The following ITPK1 variants were observed in gnomAD, a reference collection of about 807,000 sequenced individuals.
ITPK1 encodes the protein inositol-tetrakisphosphate 1-kinase, also known as inositol 1,3,4-trisphosphate 5/6-kinase.
Under a neutral mutation model 45.3 loss-of-function variants are expected in ITPK1, and 21 were observed. The ratio of observed to expected loss-of-function variants is 0.46; its 90% CI spans 0.33 to 0.67. The LOEUF (loss-of-function observed/expected upper bound fraction) is 0.67, where lower values mean the gene tolerates loss of function less well. Among genes scored for constraint, ITPK1 ranks in the 30% least tolerant of loss-of-function variants. ITPK1 has a pLI of 0.02. For synonymous variants in ITPK1, 258 were observed against 253.6 expected, an observed-to-expected ratio of 1.02 and a Z score of -0.16; for missense variants, 474 against 573.5, an observed-to-expected ratio of 0.83 and a Z score of 1.77.
In ITPK1 at chr14:92,947,684, T is replaced by G. The variant is rs561490637; in HGVS notation, c.739-1191A>C. Among the ~76,000 whole-genome samples, 19 of 152,272 alleles carry G rather than the reference T, an allele frequency of 1.2e-4. No individual in the cohort carries two copies. The South Asian group carries it at 3.9e-3, about 32-fold the overall frequency. On this transcript the variant is annotated intron_variant, in intron 9 of 10. Coordinates refer to ENST00000267615, the MANE Select transcript of ITPK1 (RefSeq NM_014216.6). ...ATTCTAGGGCAGGAACTGCATCCCG[T>G]CTCCTCTAAATCAGCCAAGGGAGGG...
intron 3 of ITPK1, among the ~76,000 whole-genome samples, chr14:93,037,215 C>T (rs909117505): frequency 1.3e-5 from 2 of 152,232 alleles, no homozygotes; most frequent in Non-Finnish European, 2.9e-5. Flanking sequence ...CATCTCCATG[C>T]CCCTTGCATG....
At chr14:93,089,597 C>G (rs1486289303) in intron 2 of ITPK1, among the ~76,000 whole-genome samples, 2 of 152,118 alleles carry the variant, frequency 1.3e-5, no homozygotes, top group Non-Finnish European at 2.9e-5. Context: ...CTAAAGGGTT[C>G]CACCAATGAG....
intron 5 of ITPK1, among the ~76,000 whole-genome samples, chr14:92,970,833 C>T (rs1442969766): frequency 6.6e-6 from 1 of 152,130 alleles, no homozygotes; most frequent in Non-Finnish European, 1.5e-5. Context: ...GATGGGGTTT[C>T]ACCGTGTTAG....
chr14:93,011,868 C>T (rs1251515859), intron 4 of ITPK1, among the ~76,000 whole-genome samples: 3 of 152,132 alleles, frequency 2.0e-5, no homozygotes, highest in African/African-American at 7.2e-5. Context: ...ATCATATCAC[C>T]GCCATCCCCG....
intron 9 of ITPK1, among the ~76,000 whole-genome samples, chr14:92,950,647 G>A (rs1227591886): frequency 6.6e-6 from 1 of 152,182 alleles, no homozygotes; most frequent in Non-Finnish European, 1.5e-5. Flanking sequence ...GGGTCCTTCT[G>A]CCATCACGGC....
At chr14:92,971,774 C>A (rs1028949673) in intron 5 of ITPK1, among the ~76,000 whole-genome samples, 1 of 152,202 alleles carries the variant, frequency 6.6e-6, no homozygotes, top group African/African-American at 2.4e-5. Context: ...CCAGTGATGC[C>A]GCCCACCTCC....
intron 4 of ITPK1, among the ~76,000 whole-genome samples, chr14:93,013,719 C>T (rs1342290399): frequency 6.6e-6 from 1 of 152,198 alleles, no homozygotes; most frequent in African/African-American, 2.4e-5. Context: ...CTATAGCATC[C>T]CTATCCCTCC....
intron 4 of ITPK1, among the ~76,000 whole-genome samples, chr14:93,005,328 T>G (rs1259847993): frequency 2.6e-5 from 4 of 152,180 alleles, no homozygotes; most frequent in Admixed American, 6.5e-5. Flanking sequence ...TCAGCTCCTG[T>G]GAGCCAATAT....
At chr14:93,028,557 G>C (rs955595635) in intron 3 of ITPK1, among the ~76,000 whole-genome samples, 1 of 152,194 alleles carries the variant, frequency 6.6e-6, no homozygotes, top group African/African-American at 2.4e-5. Context: ...CAACCCCCTT[G>C]AGACACTGTT....
chr14:93,043,639 GGCTCATTCTT>G (rs1332341901), intron 3 of ITPK1, among the ~76,000 whole-genome samples: 1 of 152,224 alleles, frequency 6.6e-6, no homozygotes, highest in African/African-American at 2.4e-5. Flanking sequence ...GCCTCAGCCT[GGCTCATTCTT>G]ATCTGTGGCT....
chr14:93,109,483 C>T lies in ITPK1; in HGVS notation c.95+5586G>A, dbSNP rs573320828. On this transcript the variant is annotated intron_variant, in intron 2 of 10. Transcript: ENST00000267615. ...CATGTCTTAAATATTCAAAAAGATA[C>T]AGAAAACAATAAATGTTAGCTAGTA... is the stretch of plus-strand genomic sequence containing the variant. 8.5e-5 allele frequency among the ~76,000 whole-genome samples: 13 copies of T among 152,220 alleles called. No individual in the cohort carries two copies. The South Asian group carries it at 2.7e-3, about 32-fold the overall frequency.
At chr14:93,091,391 C>T (rs946462236) in intron 2 of ITPK1, among the ~76,000 whole-genome samples, 4 of 152,210 alleles carry the variant, frequency 2.6e-5, no homozygotes, top group African/African-American at 9.6e-5. Flanking sequence ...GAAGCCCAGC[C>T]CAGAACCAGT....
At chr14:92,973,090 T>C (rs1005314684) in intron 5 of ITPK1, among the ~76,000 whole-genome samples, 1 of 152,244 alleles carries the variant, frequency 6.6e-6, no homozygotes. Flanking sequence ...TCGAGTGGCA[T>C]TCACCCTGCA....
chr14:93,102,825 G>A (rs1414054680), intron 2 of ITPK1, among the ~76,000 whole-genome samples: 1 of 152,178 alleles, frequency 6.6e-6, no homozygotes, highest in Non-Finnish European at 1.5e-5. Flanking sequence ...ACAAGTCTGG[G>A]AGTGGTGGCT....
intron 2 of ITPK1, among the ~76,000 whole-genome samples, chr14:93,090,187 G>A (rs1891810937): frequency 6.6e-6 from 1 of 151,016 alleles, no homozygotes; most frequent in South Asian, 2.1e-4. Flanking sequence ...AGCAAGTCTC[G>A]CCCCATCTGT....
chr14:93,020,878 A>G (rs1018161456), intron 3 of ITPK1, among the ~76,000 whole-genome samples: 63 of 152,092 alleles, frequency 4.1e-4, no homozygotes, highest in African/African-American at 1.5e-3. Flanking sequence ...GCCAGGCTCT[A>G]CTCTAAGCAC....
chr14:92,997,006 T>C (rs1308273152), intron 4 of ITPK1, among the ~76,000 whole-genome samples: 4 of 152,128 alleles, frequency 2.6e-5, no homozygotes, highest in Non-Finnish European at 5.9e-5. Flanking sequence ...ATGGAGAGTG[T>C]ATTTGTAAAG....
chr14:93,068,908 C>G (rs909060516), intron 3 of ITPK1: 1 of 152,288 alleles, frequency 6.6e-6, no homozygotes, highest in Non-Finnish European at 1.5e-5. Context: ...GCCTCCGCTG[C>G]CTGCACTCAG....
Position 92,977,864 on chromosome 14 carries a change from T to C in ITPK1, c.365-15015A>G, listed in dbSNP as rs151268485. ...TATAGCAATGTTAAGAACAAACTAA[T>C]ACAGAAAAATGGTACCAGAGAAGTG... On this transcript the variant is annotated intron_variant, in intron 5 of 10. Transcript: ENST00000267615. Among the ~76,000 whole-genome samples the C allele has an allele frequency of 9.8e-4, 149 of 151,940 alleles. 5 individuals are homozygous for C. The highest frequency in any genetic ancestry group is 3.3e-3 in the African/African-American group (137 of 41,258).
Sources: allele counts gnomAD v4.1 joint callset (sites outside exome capture counted in the v4.1 genomes callset), GRCh38; gene constraint gnomAD v4.1.1; transcripts MANE v1.5; gene names NCBI Gene and HGNC (gene_info 2026-07-23, HGNC 2026-07-21).